The following SNX29 variants were observed in gnomAD, a reference collection of about 807,000 sequenced individuals.
SNX29 encodes the protein sorting nexin 29.
SNX29 carries 78 observed loss-of-function variants against 102.1 expected under a neutral mutation model. That is an observed-to-expected ratio of 0.76 (90% CI 0.64 to 0.92). The LOEUF is 0.92. Among genes scored for constraint, SNX29 ranks in the 40% least tolerant of loss-of-function variants. SNX29 has a pLI of 0.00. For synonymous variants in SNX29, 580 were observed against 414.5 expected, an observed-to-expected ratio of 1.40 and a Z score of -4.85; for missense variants, 1,280 against 1,061.7, an observed-to-expected ratio of 1.21 and a Z score of -2.86.
chr16:12,512,956 G>A (rs75235528), intron 19 of SNX29, among the ~76,000 whole-genome samples: 8,409 of 152,108 alleles, frequency 0.055, 446 homozygotes, highest in African/African-American at 0.13. Context: ...GAGTTGCTGG[G>A]GTGAAAGAGT....
intron 7 of SNX29, among the ~76,000 whole-genome samples, chr16:12,049,364 A>T (rs372546044): frequency 6.9e-5 from 10 of 145,832 alleles, no homozygotes; most frequent in African/African-American, 2.6e-4. Context: ...ACAGAGTCTC[A>T]CTCTATTGCC....
intron 13 of SNX29, among the ~76,000 whole-genome samples, chr16:12,165,548 A>T (rs747127383): frequency 1.3e-5 from 2 of 152,178 alleles, no homozygotes; most frequent in African/African-American, 4.8e-5. Context: ...AATATTAAAT[A>T]TAAACTTTAC....
At chr16:12,304,011 T>C (rs1323279955) in intron 15 of SNX29, among the ~76,000 whole-genome samples, 1 of 152,240 alleles carries the variant, frequency 6.6e-6, no homozygotes, top group Non-Finnish European at 1.5e-5. Flanking sequence ...AAAATGGTCA[T>C]AGTGTTTTCT....
At chr16:12,556,649 A>G (rs1423890111) in intron 20 of SNX29, 1 of 152,290 alleles carries the variant, frequency 6.6e-6, no homozygotes, top group African/African-American at 2.4e-5. Context: ...TTTAGGAGAC[A>G]CAGCAGAGAC....
chr16:12,338,560 A>G (rs2081521591), intron 15 of SNX29, among the ~76,000 whole-genome samples: 1 of 152,240 alleles, frequency 6.6e-6, no homozygotes, highest in Non-Finnish European at 1.5e-5. Context: ...TTCCACTTGT[A>G]GATGAGAAAA....
intron 20 of SNX29, among the ~76,000 whole-genome samples, chr16:12,533,560 G>C (rs2076988221): frequency 6.6e-6 from 1 of 152,140 alleles, no homozygotes; most frequent in African/African-American, 2.4e-5. Flanking sequence ...TACTTTCTTA[G>C]CCTCGTCATT....
At position 12,476,379 on chromosome 16, in the gene SNX29, AAAAAATATATATATATAT is replaced by A. The variant is rs2087609017; in HGVS notation, c.2038-1338_2038-1321del. 1.2e-4 allele frequency among the ~76,000 whole-genome samples: 2 copies of A among 17,226 alleles called. 1 individual carries two copies. The highest frequency in any genetic ancestry group is 2.0e-4 in the Non-Finnish European group (2 of 9,876). The allele number at this position is 17,226 out of a possible 152,430, so 11.3% of individuals were successfully genotyped here. A position where few individuals can be genotyped will look rare whatever the true frequency, so the allele number is the denominator to read the frequency against. ...AAAAAAAAAAAAAAAAAAAAAAAAA[AAAAAATATATATATATAT>A]ATATATATATATATACATATATATA... is the stretch of plus-strand genomic sequence containing the variant. On this transcript the variant is annotated intron_variant, in intron 18 of 20. Transcript: ENST00000566228.
intron 15 of SNX29, among the ~76,000 whole-genome samples, chr16:12,329,095 G>C (rs2081215039): frequency 1.3e-5 from 2 of 151,698 alleles, no homozygotes; most frequent in African/African-American, 4.8e-5. Context: ...AACATCAGGA[G>C]ACCCAGTCTC....
chr16:12,536,593 G>A (rs2077088937), intron 20 of SNX29, among the ~76,000 whole-genome samples: 1 of 152,170 alleles, frequency 6.6e-6, no homozygotes, highest in African/African-American at 2.4e-5. Context: ...CTAGCACAGA[G>A]AACGCACTAA....
chr16:12,333,413 T>A (rs2081354379), intron 15 of SNX29, among the ~76,000 whole-genome samples: 1 of 152,060 alleles, frequency 6.6e-6, no homozygotes, highest in African/African-American at 2.4e-5. Context: ...CCGCAATCAG[T>A]TAATTTTTAC....
chr16:12,109,855 C>G (rs1257224215), intron 11 of SNX29, among the ~76,000 whole-genome samples: 1 of 152,136 alleles, frequency 6.6e-6, no homozygotes, highest in Non-Finnish European at 1.5e-5. Context: ...CTCAGCCTCC[C>G]AAGTATCTGG....
intron 14 of SNX29, among the ~76,000 whole-genome samples, chr16:12,270,619 T>G (rs867601279): frequency 3.3e-5 from 5 of 152,338 alleles, no homozygotes; most frequent in Admixed American, 2.0e-4. Flanking sequence ...ATATTAATCC[T>G]TATGCTGTGG....
chr16:12,396,165 C>T (rs1193030913), intron 16 of SNX29, among the ~76,000 whole-genome samples: 1 of 152,218 alleles, frequency 6.6e-6, no homozygotes, highest in Admixed American at 6.5e-5. Context: ...ATCCCCACCC[C>T]TCAGGGGAAA....
chr16:12,365,326 TTGTGTGTGTGTGTGTGTG>T (rs58869867), intron 16 of SNX29, among the ~76,000 whole-genome samples: 81 of 139,868 alleles, frequency 5.8e-4, no homozygotes, highest in African/African-American at 2.1e-3. Flanking sequence ...ACATCAGGAT[TTGTGTGTGTGTGTGTGTG>T]TGTGTGTGTG....
At chr16:12,456,529 G>T (rs1378618660) in intron 18 of SNX29, among the ~76,000 whole-genome samples, 2 of 151,848 alleles carry the variant, frequency 1.3e-5, no homozygotes, top group Non-Finnish European at 2.9e-5. Context: ...GTGTGTGTGT[G>T]TATGTGCATC....
At chr16:12,506,058 T>C (rs1003518266) in intron 19 of SNX29, among the ~76,000 whole-genome samples, 1 of 152,196 alleles carries the variant, frequency 6.6e-6, no homozygotes, top group Non-Finnish European at 1.5e-5. Flanking sequence ...CCTCCCAGGC[T>C]CAAGTGATTC....
chr16:12,292,609 G>T (rs1385372768), intron 15 of SNX29, among the ~76,000 whole-genome samples: 1 of 152,230 alleles, frequency 6.6e-6, no homozygotes, highest in African/African-American at 2.4e-5. Flanking sequence ...AAGGGGCACT[G>T]CCAGAAGACT....
chr16:12,197,519 C>T (rs1055129090), intron 13 of SNX29, among the ~76,000 whole-genome samples: 15 of 152,054 alleles, frequency 9.9e-5, no homozygotes, highest in African/African-American at 2.4e-4. Context: ...TGCAGTGAGC[C>T]GAGATCATGC....
chr16:12,557,102 A>C (rs1297372321), intron 20 of SNX29, among the ~76,000 whole-genome samples: 1 of 148,348 alleles, frequency 6.7e-6, no homozygotes, highest in African/African-American at 2.5e-5. Context: ...AGCTGCCTCA[A>C]CCTCCGAAAG....
Sources: gnomAD v4.1 joint callset for allele counts (sites outside exome capture counted in the v4.1 genomes callset) on GRCh38, gnomAD v4.1.1 for gene constraint, MANE v1.5 for transcripts, NCBI Gene and HGNC (gene_info 2026-07-23, HGNC 2026-07-21) for gene names.